The following NKAIN2 variants were observed in gnomAD, a reference collection of about 807,000 sequenced individuals.
NKAIN2 encodes sodium/potassium-transporting ATPase subunit beta-1-interacting protein 2.
In NKAIN2, 14 loss-of-function variants were observed where a neutral mutation model predicts 32.6. That is an observed-to-expected ratio of 0.43 (90% CI 0.28 to 0.67). The LOEUF is 0.67. Among genes scored for constraint, NKAIN2 ranks in the 30% least tolerant of loss-of-function variants. NKAIN2 has a pLI of 0.17. For missense variants in NKAIN2, 198 were observed against 258.3 expected (o/e 0.77, Z 1.60); for synonymous variants, 80 against 87.2 (o/e 0.92, Z 0.46).
chr6:124,017,687 AT>A (rs992047176), intron 1 of NKAIN2, among the ~76,000 whole-genome samples: 20 of 152,094 alleles, frequency 1.3e-4, no homozygotes, highest in Non-Finnish European at 8.8e-5. Context: ...CTTTGATTCC[AT>A]GTCTCACATC....
intron 1 of NKAIN2, among the ~76,000 whole-genome samples, chr6:124,062,260 A>C (rs916629119): frequency 6.6e-6 from 1 of 152,196 alleles, no homozygotes; most frequent in Non-Finnish European, 1.5e-5. Context: ...TAATGATGGA[A>C]ATACCATTTA....
chr6:124,035,088 G>A (rs1781556634), intron 1 of NKAIN2, among the ~76,000 whole-genome samples: 2 of 152,042 alleles, frequency 1.3e-5, no homozygotes, highest in Admixed American at 1.3e-4. Context: ...TTGCAAATAT[G>A]TATAATTATT....
chr6:124,821,237 G>C (rs1781382752), intron 6 of NKAIN2, among the ~76,000 whole-genome samples: 2 of 151,752 alleles, frequency 1.3e-5, no homozygotes, highest in African/African-American at 4.8e-5. Context: ...GGAGGTTGCA[G>C]TGAGCAAAGA....
At chr6:123,974,153 G>T (rs1582867423) in intron 1 of NKAIN2, among the ~76,000 whole-genome samples, 2 of 152,228 alleles carry the variant, frequency 1.3e-5, no homozygotes, top group Middle Eastern at 3.4e-3. Flanking sequence ...AATTGAATAG[G>T]TAGGTTATGA....
intron 3 of NKAIN2, among the ~76,000 whole-genome samples, chr6:124,385,428 CAATGCACGATTATAACCACCCCA>C (rs1299796520): frequency 6.6e-6 from 1 of 152,072 alleles, no homozygotes; most frequent in Non-Finnish European, 1.5e-5. Flanking sequence ...TCCACCTCAG[CAATGCACGATTATAACCACCCCA>C]AATGCACGAT....
intron 4 of NKAIN2, among the ~76,000 whole-genome samples, chr6:124,677,316 G>A (rs1285837156): frequency 2.6e-5 from 4 of 152,094 alleles, no homozygotes; most frequent in East Asian, 1.9e-4. Context: ...TTTTCAAAAA[G>A]GAGTTTAATC....
intron 4 of NKAIN2, among the ~76,000 whole-genome samples, chr6:124,752,529 G>A (rs1361973934): frequency 6.6e-6 from 1 of 151,702 alleles, no homozygotes; most frequent in African/African-American, 2.4e-5. Flanking sequence ...TTATCAAAAT[G>A]TATATGTGGG....
chr6:123,853,162 T>C (rs1200149413), intron 1 of NKAIN2, among the ~76,000 whole-genome samples: 1 of 152,214 alleles, frequency 6.6e-6, no homozygotes, highest in Non-Finnish European at 1.5e-5. Flanking sequence ...ATCAGTTTCC[T>C]ATAACTGTTT....
At chr6:123,924,155 T>C (rs1038472387) in intron 1 of NKAIN2, among the ~76,000 whole-genome samples, 7 of 152,310 alleles carry the variant, frequency 4.6e-5, no homozygotes, top group Non-Finnish European at 8.8e-5. Flanking sequence ...AAGAAATGCA[T>C]TTGGCAATTA....
intron 3 of NKAIN2, among the ~76,000 whole-genome samples, chr6:124,388,668 A>G (rs1197699416): frequency 6.6e-6 from 1 of 152,092 alleles, no homozygotes; most frequent in Non-Finnish European, 1.5e-5. Context: ...ATTAATACTC[A>G]CGGTGATTTA....
At chr6:124,171,644 C>T (rs1788868812) in intron 1 of NKAIN2, among the ~76,000 whole-genome samples, 1 of 149,200 alleles carries the variant, frequency 6.7e-6, no homozygotes, top group Non-Finnish European at 1.5e-5. Flanking sequence ...GTCTGCCTCC[C>T]GGTTCAAGCA....
At chr6:124,385,327 T>A (rs937624655) in intron 3 of NKAIN2, among the ~76,000 whole-genome samples, 1 of 152,124 alleles carries the variant, frequency 6.6e-6, no homozygotes, top group African/African-American at 2.4e-5. Flanking sequence ...TCTTAGCCAC[T>A]GGCAGCCCTC....
intron 4 of NKAIN2, among the ~76,000 whole-genome samples, chr6:124,769,704 T>C (rs1421128465): frequency 3.3e-5 from 5 of 152,192 alleles, no homozygotes; most frequent in African/African-American, 1.2e-4. Context: ...GGTAAAGGAA[T>C]TGAAATGCAT....
chr6:124,456,065 A>G (rs1443136194), intron 3 of NKAIN2, among the ~76,000 whole-genome samples: 2 of 151,740 alleles, frequency 1.3e-5, no homozygotes, highest in Non-Finnish European at 2.9e-5. Context: ...TTTCAGGTAT[A>G]CCTATACTTG....
chr6:124,158,971 T>A (rs1433869191), intron 1 of NKAIN2, among the ~76,000 whole-genome samples: 1 of 152,206 alleles, frequency 6.6e-6, no homozygotes, highest in African/African-American at 2.4e-5. Flanking sequence ...GATGACACCC[T>A]CATAGGATTT....
intron 3 of NKAIN2, among the ~76,000 whole-genome samples, chr6:124,561,389 A>C (rs77798258): frequency 1.3e-5 from 2 of 152,244 alleles, no homozygotes; most frequent in South Asian, 4.1e-4. Flanking sequence ...AACCTGGCCA[A>C]TTTTGCATTT....
intron 1 of NKAIN2, among the ~76,000 whole-genome samples, chr6:124,041,046 A>G (rs754496570): frequency 2.0e-5 from 3 of 152,040 alleles, no homozygotes; most frequent in Non-Finnish European, 2.9e-5. Flanking sequence ...TGTATAGTTC[A>G]GAAATTGGGA....
intron 1 of NKAIN2, among the ~76,000 whole-genome samples, chr6:123,832,204 A>G (rs974891809): frequency 1.6e-4 from 24 of 152,184 alleles, no homozygotes; most frequent in Admixed American, 6.5e-5. Context: ...TTTTCCAGAT[A>G]TCATATAGTT....
At chr6:124,019,160 AC>A (rs1192161986) in intron 1 of NKAIN2, among the ~76,000 whole-genome samples, 1 of 151,984 alleles carries the variant, frequency 6.6e-6, no homozygotes, top group Non-Finnish European at 1.5e-5. Flanking sequence ...TGATTCAATT[AC>A]CTCCCACTGG....
Sources: gnomAD v4.1 joint callset for allele counts (sites outside exome capture counted in the v4.1 genomes callset) on GRCh38, gnomAD v4.1.1 for gene constraint, MANE v1.5 for transcripts, NCBI Gene and HGNC (gene_info 2026-07-23, HGNC 2026-07-21) for gene names.